The following COL23A1 variants were observed in gnomAD, a reference collection of about 807,000 sequenced individuals.
The protein encoded by COL23A1 is collagen alpha-1(XXIII) chain.
Under a neutral mutation model 99.3 loss-of-function variants are expected in COL23A1, and 97 were observed. That is an observed-to-expected ratio of 0.98 (90% CI 0.83 to 1.16). COL23A1 has a LOEUF of 1.16. COL23A1 is among the 50% of genes most tolerant of loss of function. The pLI is 0.00. For synonymous variants in COL23A1, 320 were observed against 308.2 expected, an observed-to-expected ratio of 1.04 and a Z score of -0.40; for missense variants, 762 against 757.4, an observed-to-expected ratio of 1.01 and a Z score of -0.07.
intron 2 of COL23A1, among the ~76,000 whole-genome samples, chr5:178,543,425 C>G (rs1025548922): frequency 6.6e-6 from 1 of 152,128 alleles, no homozygotes; most frequent in Non-Finnish European, 1.5e-5. Flanking sequence ...GTTTTTATAA[C>G]AGTCCTTTTT....
At chr5:178,269,020 G>C (rs1756070283) in intron 6 of COL23A1, among the ~76,000 whole-genome samples, 1 of 152,040 alleles carries the variant, frequency 6.6e-6, no homozygotes, top group South Asian at 2.1e-4. Context: ...CAGAGAAAGG[G>C]GCACATGCAC....
intron 2 of COL23A1, among the ~76,000 whole-genome samples, chr5:178,458,334 AG>A (rs58642641): frequency 0.023 from 3,547 of 152,250 alleles, 162 homozygotes; most frequent in African/African-American, 0.081. Context: ...GAAGTATTCC[AG>A]ATAATAAAGA....
At chr5:178,357,290 GGTCT>G (rs1425090311) in intron 2 of COL23A1, among the ~76,000 whole-genome samples, 1 of 152,150 alleles carries the variant, frequency 6.6e-6, no homozygotes, top group Non-Finnish European at 1.5e-5. Context: ...ACAGGCTTCT[GGTCT>G]GTCCACGCCC....
intron 2 of COL23A1, among the ~76,000 whole-genome samples, chr5:178,334,098 C>A (rs1421284665): frequency 6.6e-6 from 1 of 152,194 alleles, no homozygotes; most frequent in Non-Finnish European, 1.5e-5. Flanking sequence ...GTCCTCAAGG[C>A]TGTGGGCTAA....
At chr5:178,533,932 C>T (rs1464877294) in intron 2 of COL23A1, among the ~76,000 whole-genome samples, 1 of 152,212 alleles carries the variant, frequency 6.6e-6, no homozygotes, top group Non-Finnish European at 1.5e-5. Flanking sequence ...GTGTGAACCC[C>T]ACACACAGAC....
intron 2 of COL23A1, among the ~76,000 whole-genome samples, chr5:178,332,177 C>G (rs1258092714): frequency 6.6e-6 from 1 of 152,240 alleles, no homozygotes; most frequent in Admixed American, 6.5e-5. Flanking sequence ...CTTTCCAGAG[C>G]TTGGAGTGGT....
intron 3 of COL23A1, among the ~76,000 whole-genome samples, chr5:178,305,345 C>T (rs148785170): frequency 1.3e-5 from 2 of 152,042 alleles, no homozygotes; most frequent in East Asian, 2.0e-4. Context: ...AGAAAGCCTG[C>T]GCCCAGCTCC....
At chr5:178,570,106 C>CT (rs966053359) in intron 1 of COL23A1, among the ~76,000 whole-genome samples, 2 of 132,740 alleles carry the variant, frequency 1.5e-5, no homozygotes, top group African/African-American at 6.5e-5. Flanking sequence ...ATTTCTTTTT[C>CT]TTTTTCTTTT....
chr5:178,516,853 A>G (rs1759545191), intron 2 of COL23A1, among the ~76,000 whole-genome samples: 2 of 152,116 alleles, frequency 1.3e-5, no homozygotes, highest in African/African-American at 4.8e-5. Flanking sequence ...AAGCAAACTA[A>G]TCAGTAGTTA....
intron 2 of COL23A1, among the ~76,000 whole-genome samples, chr5:178,510,503 T>G (rs477781): frequency 0.1 from 15,139 of 152,150 alleles, 2,062 homozygotes; most frequent in African/African-American, 0.31. Flanking sequence ...ATCGTGCCAT[T>G]GTGCTCCAGC....
At chr5:178,426,384 T>G (rs897604919) in intron 2 of COL23A1, among the ~76,000 whole-genome samples, 23 of 152,338 alleles carry the variant, frequency 1.5e-4, no homozygotes, top group African/African-American at 5.5e-4. Context: ...TCTGTGTTGC[T>G]TCTTCACCTC....
At chr5:178,270,462 G>C (rs1016617496) in intron 5 of COL23A1, 99 bp from the exon 6 acceptor site, 39 of 1,412,200 alleles carry the variant, frequency 2.8e-5, no homozygotes, top group Non-Finnish European at 3.7e-5. Flanking sequence ...AGAAAACAAA[G>C]CCTGTGGGAG....
chr5:178,277,105 C>T (rs1277073643), intron 5 of COL23A1, among the ~76,000 whole-genome samples: 1 of 152,004 alleles, frequency 6.6e-6, no homozygotes, highest in Non-Finnish European at 1.5e-5. Flanking sequence ...ACGGCTCATG[C>T]CCGTAATCCC....
chr5:178,444,480 G>C (rs1219269264), intron 2 of COL23A1, among the ~76,000 whole-genome samples: 1 of 152,100 alleles, frequency 6.6e-6, no homozygotes, highest in Non-Finnish European at 1.5e-5. Context: ...GAGATGGTGA[G>C]ACAGTGCACT....
At chr5:178,465,984 G>A (rs1756398990) in intron 2 of COL23A1, among the ~76,000 whole-genome samples, 1 of 152,114 alleles carries the variant, frequency 6.6e-6, no homozygotes, top group Non-Finnish European at 1.5e-5. Flanking sequence ...TGCACCTCAA[G>A]GCCATCGTGT....
chr5:178,297,011 C>A (rs1420664785), intron 3 of COL23A1, among the ~76,000 whole-genome samples: 1 of 152,264 alleles, frequency 6.6e-6, no homozygotes, highest in African/African-American at 2.4e-5. Flanking sequence ...GAATGAAATC[C>A]CAACTCCTGG....
chr5:178,345,191 C>A, intron 2 of COL23A1: 2 of 840,670 alleles, frequency 2.4e-6, no homozygotes, highest in Non-Finnish European at 3.9e-6. Context: ...TAACTCCAGA[C>A]TCCACCAGAT....
chr5:178,314,772 A>C (rs1484725371), intron 2 of COL23A1, among the ~76,000 whole-genome samples: 1 of 152,284 alleles, frequency 6.6e-6, no homozygotes, highest in African/African-American at 2.4e-5. Flanking sequence ...TGTTATCTCC[A>C]TTTTATAGAT....
intron 2 of COL23A1, among the ~76,000 whole-genome samples, chr5:178,461,401 C>A (rs1004629273): frequency 6.6e-6 from 1 of 152,212 alleles, no homozygotes; most frequent in African/African-American, 2.4e-5. Context: ...ATCCCCAGTG[C>A]CTCTAGCTTT....
Sources: gnomAD v4.1 joint callset for allele counts (sites outside exome capture counted in the v4.1 genomes callset) on GRCh38, gnomAD v4.1.1 for gene constraint, MANE v1.5 for transcripts, NCBI Gene and HGNC (gene_info 2026-07-23, HGNC 2026-07-21) for gene names.